Variants in ELMO1 observed in about 807,000 individuals in gnomAD.
ELMO1 encodes engulfment and cell motility protein 1.
A neutral mutation model predicts 98.9 loss-of-function variants in ELMO1; 26 were observed. The observed-to-expected ratio is 0.26, with a 90% CI of 0.19 to 0.36. The LOEUF (loss-of-function observed/expected upper bound fraction) is 0.36, where lower values mean the gene tolerates loss of function less well. Ranked by LOEUF, ELMO1 falls within the 10% of genes least tolerant of loss-of-function variation. ELMO1 has a pLI of 1.00. For synonymous variants in ELMO1, 346 were observed against 346.0 expected (o/e 1.00, Z 0.00); for missense variants, 627 against 935.2 (o/e 0.67, Z 4.30).
rs1465962960 is a variant in ELMO1, at chr7:37,224,679, T to C, written c.701+200A>G. 3.3e-5 allele frequency among the ~76,000 whole-genome samples: 5 copies of C among 152,194 alleles called. No homozygotes were observed. The East Asian group carries it at 5.8e-4, about 18-fold the overall frequency. On this transcript the variant is annotated intron_variant, in intron 9 of 21. Transcript: ENST00000310758. ...GGGACAGGCAATGCCAAGAACCAGCTTGGAGTTCAGTGAGGGACAGAGGCC... is the reference window on the plus strand; with the variant it reads ...GGGACAGGCAATGCCAAGAACCAGCCTGGAGTTCAGTGAGGGACAGAGGCC...
In ELMO1 at chr7:37,363,427, G is replaced by T. The variant is rs144438518; in HGVS notation, c.-73-20664C>A. Among the ~76,000 whole-genome samples the T allele has an allele frequency of 1.3e-3, 205 of 152,156 alleles. 1 individual carries two copies. The highest frequency in any genetic ancestry group is 1.4e-3 in the Non-Finnish European group (93 of 67,990). On this transcript the variant is annotated intron_variant, in intron 1 of 21. Transcript: ENST00000310758. The stretch of plus-strand genomic sequence containing the variant: ...GCTCAAATCCAAAGTCTTTAACATG[G>T]CCCGCAAAGGCCTGTGTGATCTAAC...
chr7:36,867,771 T>C (rs532465548), intron 20 of ELMO1, among the ~76,000 whole-genome samples: 1 of 152,310 alleles, frequency 6.6e-6, no homozygotes, highest in African/African-American at 2.4e-5. Context: ...CTGTGGGTTA[T>C]TTACAAGTGT....
intron 1 of ELMO1, among the ~76,000 whole-genome samples, chr7:37,416,001 C>A (rs1429245783): frequency 6.6e-6 from 1 of 152,154 alleles, no homozygotes; most frequent in Non-Finnish European, 1.5e-5. Context: ...ATCTACAGTC[C>A]TAAAAACCAG....
intron 1 of ELMO1, among the ~76,000 whole-genome samples, chr7:37,356,132 A>G (rs1801483482): frequency 6.6e-6 from 1 of 152,070 alleles, no homozygotes; most frequent in South Asian, 2.1e-4. Context: ...CTCTTTCCCC[A>G]CTGAAGCAAC....
chr7:37,286,349 A>C (rs1797392774), intron 4 of ELMO1, among the ~76,000 whole-genome samples: 1 of 152,198 alleles, frequency 6.6e-6, no homozygotes, highest in African/African-American at 2.4e-5. Context: ...CCTGATCCAA[A>C]ACTTGGCTTC....
chr7:36,984,417 C>G (rs546539496), intron 16 of ELMO1, among the ~76,000 whole-genome samples: 9 of 152,192 alleles, frequency 5.9e-5, no homozygotes, highest in Non-Finnish European at 1.3e-4. Flanking sequence ...AACGTCAGCC[C>G]TACTTCTTTA....
chr7:37,097,792 C>T (rs1409827263), intron 14 of ELMO1, among the ~76,000 whole-genome samples: 2 of 152,062 alleles, frequency 1.3e-5, no homozygotes, highest in South Asian at 4.1e-4. Context: ...CAGCAAGAGA[C>T]CTAGAAGTGT....
intron 15 of ELMO1, among the ~76,000 whole-genome samples, chr7:37,081,909 G>A (rs972371386): frequency 1.3e-5 from 2 of 152,200 alleles, no homozygotes; most frequent in Admixed American, 1.3e-4. Context: ...CAGAAAAGCA[G>A]CAAGCTGAGT....
At chr7:37,426,094 C>T (rs1443295446) in intron 1 of ELMO1, among the ~76,000 whole-genome samples, 6 of 151,040 alleles carry the variant, frequency 4.0e-5, no homozygotes, top group Non-Finnish European at 1.5e-5. Flanking sequence ...GTTACCCAGC[C>T]TCTCTAAACT....
chr7:37,342,866 A>C lies in ELMO1; in HGVS notation c.-73-103T>G. ...TTTTCACTGGTGGTTTGGTATGAAA[A>C]ACGGCTCCCCTTGGTGCCTGGGTGC... On this transcript the variant is annotated intron_variant, in intron 1 of 21. Coordinates refer to ENST00000310758, the MANE Select transcript of ELMO1 (RefSeq NM_014800.11). This position sits in a 1 kb window ranked among gnomAD's most constrained non-coding sequence, Gnocchi z 4.3. 19 of 577,422 alleles carry C rather than the reference A, an allele frequency of 3.3e-5. No homozygotes were observed. The highest frequency in any genetic ancestry group is 1.9e-5 in the African/African-American group (1 of 51,416). 35.8% of individuals were successfully genotyped at this position (577,422 alleles called of 1,614,324 possible).
chr7:37,384,319 GGTGTTATAGATGCAATAAAAA>G (rs1395744248), intron 1 of ELMO1, among the ~76,000 whole-genome samples: 1 of 152,144 alleles, frequency 6.6e-6, no homozygotes, highest in East Asian at 1.9e-4. Context: ...AGATTAATGA[GGTGTTATAGATGCAATAAAAA>G]GTGCAAACCA....
chr7:37,141,141 T>C (rs762766074), intron 13 of ELMO1, among the ~76,000 whole-genome samples: 15 of 152,134 alleles, frequency 9.9e-5, no homozygotes, highest in Non-Finnish European at 2.2e-4. Flanking sequence ...CAAATGCCCA[T>C]CAATCAATGA....
intron 16 of ELMO1, among the ~76,000 whole-genome samples, chr7:36,943,814 C>T (rs1787252054): frequency 6.6e-6 from 1 of 152,188 alleles, no homozygotes; most frequent in Non-Finnish European, 1.5e-5. Context: ...AATAACAACA[C>T]TCATCTTTTT....
At chr7:37,239,145 T>C (rs1413681689) in intron 7 of ELMO1, among the ~76,000 whole-genome samples, 1 of 152,034 alleles carries the variant, frequency 6.6e-6, no homozygotes, top group African/African-American at 2.4e-5. Context: ...TATTGTTGTA[T>C]GAAGGTTTTC....
chr7:37,432,696 C>A (rs940340891), intron 1 of ELMO1, among the ~76,000 whole-genome samples: 6 of 152,228 alleles, frequency 3.9e-5, no homozygotes, highest in Admixed American at 2.6e-4. Context: ...GTAAAAATCC[C>A]AACCCCCAAT....
intron 2 of ELMO1, among the ~76,000 whole-genome samples, chr7:37,319,462 C>G (rs1799366710): frequency 6.6e-6 from 1 of 152,170 alleles, no homozygotes; most frequent in Non-Finnish European, 1.5e-5. Context: ...CAACTCCTGC[C>G]ATCAAATAGA....
At chr7:36,881,350 C>G (rs975428974) in intron 18 of ELMO1, among the ~76,000 whole-genome samples, 7 of 152,154 alleles carry the variant, frequency 4.6e-5, no homozygotes. Context: ...TGTCAGCCAC[C>G]AGCAGCAGCT....
At chr7:37,077,211 T>A (rs1251522495) in intron 15 of ELMO1, among the ~76,000 whole-genome samples, 1 of 152,092 alleles carries the variant, frequency 6.6e-6, no homozygotes, top group Non-Finnish European at 1.5e-5. Context: ...GATATGCAAA[T>A]ATGCAATTCA....
chr7:37,191,789 G>C (rs1252447639), intron 13 of ELMO1, among the ~76,000 whole-genome samples: 1 of 152,170 alleles, frequency 6.6e-6, no homozygotes, highest in Admixed American at 6.5e-5. Context: ...ATGGTGGCAC[G>C]AACCTGTAAT....
Sources: gnomAD v4.1 joint callset for allele counts (sites outside exome capture counted in the v4.1 genomes callset) on GRCh38, gnomAD v4.1.1 for gene constraint, Gnocchi (gnomAD v3.1) non-coding constraint, MANE v1.5 for transcripts, NCBI Gene and HGNC (gene_info 2026-07-23, HGNC 2026-07-21) for gene names.